GARS1: variants seen among roughly 807,000 people sequenced by gnomAD.
GARS1 encodes glycyl-tRNA synthetase 1, also known as glycine--tRNA ligase.
GARS1 carries 46 observed loss-of-function variants against 86.4 expected under a neutral mutation model. The observed-to-expected ratio is 0.53, with a 90% CI of 0.42 to 0.68. The LOEUF (loss-of-function observed/expected upper bound fraction) is 0.68, where lower values mean the gene tolerates loss of function less well. Among genes scored for constraint, GARS1 ranks in the 30% least tolerant of loss-of-function variants. The pLI is 0.00. For synonymous variants in GARS1, 342 were observed against 329.8 expected (o/e 1.04, Z -0.40); for missense variants, 797 against 915.6 (o/e 0.87, Z 1.67).
chr7:30,619,367 T>C (rs1346532112), intron 10 of GARS1, among the ~76,000 whole-genome samples: 3 of 152,214 alleles, frequency 2.0e-5, no homozygotes, highest in Non-Finnish European at 4.4e-5. Context: ...GAGAGTTTAA[T>C]ACTTTTTGTG....
intron 5 of GARS1, 48 bp from the exon 6 acceptor site, chr7:30,603,448 A>G (rs764842604): frequency 2.1e-6 from 3 of 1,438,138 alleles, no homozygotes; most frequent in Non-Finnish European, 2.0e-6. Context: ...TGAAAAGTGC[A>G]TTGTCCTTTT....
At chr7:30,608,831 G>A (rs531670595) in intron 6 of GARS1, among the ~76,000 whole-genome samples, 1 of 152,322 alleles carries the variant, frequency 6.6e-6, no homozygotes, top group East Asian at 1.9e-4. Context: ...AAGTGGTGTA[G>A]AGTTGGGAGA....
intron 6 of GARS1, among the ~76,000 whole-genome samples, chr7:30,607,302 G>A (rs6945546): frequency 0.016 from 2,505 of 152,208 alleles, 59 homozygotes; most frequent in African/African-American, 0.057. Flanking sequence ...CAACCCAAAT[G>A]TCCATCAATG....
At chr7:30,625,841 T>G (rs1367185308) in intron 12 of GARS1, among the ~76,000 whole-genome samples, 1 of 152,252 alleles carries the variant, frequency 6.6e-6, no homozygotes, top group African/African-American at 2.4e-5. Flanking sequence ...TTTGTACATT[T>G]GTTGGGACAG....
In GARS1 at chr7:30,602,912, T is replaced by C. The variant is rs143705728; in HGVS notation, c.570-122T>C. On this transcript the variant is annotated intron_variant, in intron 4 of 16. Transcript: ENST00000389266. Reference sequence around the variant, plus strand: ...TACTGTCATGGATACATCATTACTATAGATATGGGAGCTTCCATCTTTGAG... The same window carrying C: ...TACTGTCATGGATACATCATTACTACAGATATGGGAGCTTCCATCTTTGAG... 12 of 755,580 alleles carry C rather than the reference T, an allele frequency of 1.6e-5. No individual in the cohort carries two copies. The African/African-American group carries it at 1.9e-4, about 12-fold the overall frequency. 46.8% of individuals were successfully genotyped at this position (755,580 alleles called of 1,614,324 possible).
intron 4 of GARS1, among the ~76,000 whole-genome samples, chr7:30,601,580 A>G (rs1017560487): frequency 6.6e-6 from 1 of 152,240 alleles, no homozygotes; most frequent in Non-Finnish European, 1.5e-5. Context: ...TATTGAAAGC[A>G]TTAAAGTGTT....
At chr7:30,619,544 T>A (rs1782958353) in intron 10 of GARS1, among the ~76,000 whole-genome samples, 1 of 152,148 alleles carries the variant, frequency 6.6e-6, no homozygotes, top group East Asian at 1.9e-4. Flanking sequence ...TGCAGTAAAT[T>A]ATAACCACCA....
intron 12 of GARS1, 118 bp from the exon 13 acceptor site, chr7:30,626,116 T>C: frequency 1.5e-6 from 1 of 667,300 alleles, no homozygotes; most frequent in Non-Finnish European, 2.7e-6. Flanking sequence ...TTATTATATC[T>C]GGAGAGTTGA....
chr7:30,612,312 C>T (rs1782772958), intron 8 of GARS1, 67 bp downstream of exon 8: 2 of 1,448,018 alleles, frequency 1.4e-6, no homozygotes, highest in African/African-American at 2.8e-5. Context: ...TGAAAGCTTG[C>T]TGTTTTGAAG....
chr7:30,603,828 T>A (rs2128133059), intron 6 of GARS1, among the ~76,000 whole-genome samples: 1 of 152,364 alleles, frequency 6.6e-6, no homozygotes, highest in South Asian at 2.1e-4. Flanking sequence ...GGAAACTACT[T>A]TTCTGGATTT....
chr7:30,618,742 A>G (rs902747442), intron 10 of GARS1, among the ~76,000 whole-genome samples: 1 of 152,236 alleles, frequency 6.6e-6, no homozygotes, highest in East Asian at 1.9e-4. Context: ...TAAATGCATA[A>G]TAATATGCAT....
Position 30,609,739 on chromosome 7 carries a change from C to T in GARS1, c.881+9C>T. The T allele has an allele frequency of 6.2e-7, 1 of 1,612,800 alleles. No individual in the cohort carries two copies. The highest frequency in any genetic ancestry group is 8.5e-7 in the Non-Finnish European group (1 of 1,179,048). On this transcript the variant is annotated intron_variant, in intron 7 of 16. Transcript: ENST00000389266. The stretch of plus-strand genomic sequence containing the variant: ...GGAGGAAACATGCCTGGGTATGTAT[C>T]ACTTATTGTTTACCTGTTTATGTAA...
chr7:30,595,175 C>G, intron 1 of GARS1, 32 bp downstream of exon 1: 3 of 1,519,564 alleles, frequency 2.0e-6, no homozygotes, highest in Non-Finnish European at 2.7e-6. Flanking sequence ...CGCTAAGCCT[C>G]CGGCTCTCCT....
chr7:30,603,089 G>A lies in GARS1; in HGVS notation c.625G>A (p.Gly209Arg). The change falls in exon 5 of 17, where the codon GGA (glycine) becomes AGA (arginine). Residue 209 changes from glycine to arginine, a missense_variant. By Grantham distance (125) the Gly-to-Arg change is moderately radical (BLOSUM62 -2). This residue lies in a region of GARS1 where 598 missense variants were observed against 738.7 expected (regional missense o/e 0.81). Transcript: ENST00000389266. ...CTTCATGGTGAAAGACGTAAAAAATGGAGAATGTTTTCGTGCTGACCATCT... is the reference window on the plus strand; with the variant it reads ...CTTCATGGTGAAAGACGTAAAAAATAGAGAATGTTTTCGTGCTGACCATCT... ...ADFMVKDVKN[G>R]ECFRADHLLK... 6.2e-7 allele frequency: 1 copy of A among 1,613,878 alleles called. No individual in the cohort carries two copies. Among genetic ancestry groups the A allele is most frequent in the South Asian group, 1.1e-5 (1 of 91,086 alleles).
At chr7:30,616,165 T>G in intron 9 of GARS1, 107 bp downstream of exon 9, 1 of 1,302,842 alleles carries the variant, frequency 7.7e-7, no homozygotes, top group South Asian at 1.2e-5. Context: ...TTGGCAGTCA[T>G]TTGCTTTTTT....
At chr7:30,628,691 G>C (rs937978905) in intron 14 of GARS1, 22 bp downstream of exon 14, 1 of 1,503,092 alleles carries the variant, frequency 6.7e-7, no homozygotes, top group Non-Finnish European at 9.3e-7. Flanking sequence ...TGTACAGTGT[G>C]CTGTTATAGT....
At chr7:30,615,766 T>C (rs745502871) in intron 8 of GARS1, 130 bp from the exon 9 acceptor site, 149 of 994,968 alleles carry the variant, frequency 1.5e-4, no homozygotes, top group Non-Finnish European at 2.0e-4. Context: ...ACTTTCTGTT[T>C]AGTGAAAAAG....
rs1791215308 is a variant in GARS1, at chr7:30,595,052, T to G, written c.131T>G (p.Ile44Ser). Residue 44 changes from isoleucine (I) to serine (S), a missense_variant, in exon 1 of 17, where the codon ATC (isoleucine) becomes AGC (serine). Ile to Ser is a moderately radical substitution (Grantham distance 142). Transcript: ENST00000389266. ...CTCAGCGCGGCCTCCTGCCCCCCGATCTCCTTGCCCGCCGCCGCCTCCCGG... is the reference window on the plus strand; with the variant it reads ...CTCAGCGCGGCCTCCTGCCCCCCGAGCTCCTTGCCCGCCGCCGCCTCCCGG... Reference protein sequence around the residue: ...RSLSAASCPPISLPAAASRSS... With the variant: ...RSLSAASCPPSSLPAAASRSS... The G allele has an allele frequency of 3.9e-6, 6 of 1,556,978 alleles. No homozygotes were observed. The highest frequency in any genetic ancestry group is 3.5e-6 in the Non-Finnish European group (4 of 1,157,690).
intron 7 of GARS1, among the ~76,000 whole-genome samples, chr7:30,610,355 A>G (rs538119443): frequency 1.3e-5 from 2 of 152,368 alleles, no homozygotes; most frequent in South Asian, 4.1e-4. Context: ...AGTATGATTC[A>G]GAATTGGAAT....
Sources: gnomAD v4.1 joint callset for allele counts (sites outside exome capture counted in the v4.1 genomes callset) on GRCh38, gnomAD v4.1.1 for gene constraint, gnomAD v4.1.1 regional missense constraint, MANE v1.5 for transcripts, NCBI Gene and HGNC (gene_info 2026-07-23, HGNC 2026-07-21) for gene names.